The following CACNA1A variants were observed in gnomAD, a reference collection of about 807,000 sequenced individuals.
The protein encoded by CACNA1A is calcium voltage-gated channel subunit alpha1 A, also known as voltage-dependent P/Q-type calcium channel subunit alpha-1A.
Under a neutral mutation model 262.4 loss-of-function variants are expected in CACNA1A, and 57 were observed. The ratio of observed to expected loss-of-function variants is 0.22; its 90% confidence interval spans 0.18 to 0.27. The LOEUF is 0.27. Among genes scored for constraint, CACNA1A ranks in the 10% least tolerant of loss-of-function variants. The pLI is 1.00. For synonymous variants in CACNA1A, 1,431 were observed against 1,419.3 expected (o/e 1.01, Z -0.18); for missense variants, 2,526 against 3,562.8 (o/e 0.71, Z 7.41).
chr19:13,302,551 A>C (rs1209023313), intron 17 of CACNA1A, among the ~76,000 whole-genome samples: 1 of 152,244 alleles, frequency 6.6e-6, no homozygotes, highest in Non-Finnish European at 1.5e-5. Flanking sequence ...CAATGAAAGA[A>C]AGAATGTGGA....
chr19:13,285,367 C>G (rs2057376981), intron 20 of CACNA1A, among the ~76,000 whole-genome samples, 161 bp from the exon 21 acceptor site: 1 of 152,066 alleles, frequency 6.6e-6, no homozygotes, highest in Non-Finnish European at 1.5e-5. Flanking sequence ...TTGTATAGCC[C>G]TGAGGTTGAT....
intron 1 of CACNA1A, among the ~76,000 whole-genome samples, chr19:13,464,788 TCTGC>T (rs2061198704): frequency 6.6e-6 from 1 of 152,160 alleles, no homozygotes. Context: ...GACCTTGTGA[TCTGC>T]CCACCTTGGC....
At chr19:13,324,479 G>A (rs943226882) in intron 10 of CACNA1A, among the ~76,000 whole-genome samples, 5 of 152,250 alleles carry the variant, frequency 3.3e-5, no homozygotes, top group South Asian at 2.1e-4. Context: ...GTGGTGAGGC[G>A]ATGGATGTGT....
At chr19:13,301,324 T>C (rs370961597) in intron 17 of CACNA1A, among the ~76,000 whole-genome samples, 17 of 152,130 alleles carry the variant, frequency 1.1e-4, no homozygotes, top group South Asian at 2.1e-4. Context: ...TTCTGAGCCA[T>C]GTGAACTCTC....
chr19:13,269,448 C>T (rs1033319433), intron 24 of CACNA1A, among the ~76,000 whole-genome samples: 1 of 152,160 alleles, frequency 6.6e-6, no homozygotes, highest in Non-Finnish European at 1.5e-5. Context: ...ATAATGCCTT[C>T]AGGGGTGGGG....
chr19:13,329,905 G>A (rs182807266), intron 10 of CACNA1A, among the ~76,000 whole-genome samples: 6 of 151,690 alleles, frequency 4.0e-5, no homozygotes, highest in Admixed American at 1.3e-4. Flanking sequence ...TGTCTTGTTT[G>A]CAACCAAGCA....
chr19:13,209,451 GC>G lies in CACNA1A; in HGVS notation c.6386del (p.Gly2129AlafsTer53). The G allele has an allele frequency of 7.3e-7, 1 of 1,372,824 alleles. No homozygotes were observed. Among genetic ancestry groups the G allele is most frequent in the Non-Finnish European group, 9.5e-7 (1 of 1,058,186 alleles). 85.0% of individuals were successfully genotyped at this position (1,372,824 alleles called of 1,614,324 possible). A position where few individuals can be genotyped will look rare whatever the true frequency, so the allele number is the denominator to read the frequency against. ...AATCGTCCAGGCGTCGGGCCTTGGG[GC>G]CCAGCACGGAGGCTGAACGCTTCAT... is the stretch of plus-strand genomic sequence containing the variant. ...SPMKRSASVL[G>X]PKARRLDDYS... On this transcript the variant is annotated frameshift_variant, in exon 45 of 47. Coordinates refer to ENST00000360228, the MANE Select transcript of CACNA1A (RefSeq NM_001127222.2). LOFTEE classifies it high-confidence loss of function.
rs2057731579 is a variant in CACNA1A at position 13,298,959 on chromosome 19, T to C, written c.2674A>G (p.Ser892Gly). The C allele has an allele frequency of 6.9e-6, 11 of 1,588,344 alleles. No homozygotes were observed. Among genetic ancestry groups the C allele is most frequent in the Non-Finnish European group, 8.5e-6 (10 of 1,174,746 alleles). ...PWAGSQEAEL[S>G]REGPYGRESD... ...TCGCGGCCGTAGGGTCCCTCCCGGCTCAGCTCGGCCTCCTGGCTTCCCGCC... is the reference window on the plus strand; with the variant it reads ...TCGCGGCCGTAGGGTCCCTCCCGGCCCAGCTCGGCCTCCTGGCTTCCCGCC... Residue 892 changes from serine (S) to glycine (G), a missense_variant, in exon 19 of 47, where the codon AGC (serine) becomes GGC (glycine). Coordinates refer to ENST00000360228, the MANE Select transcript of CACNA1A (RefSeq NM_001127222.2).
At chr19:13,272,250 G>T (rs1215739563) in intron 24 of CACNA1A, 1 of 152,258 alleles carries the variant, frequency 6.6e-6, no homozygotes, top group Admixed American at 6.5e-5. Context: ...GGTGGCCAAG[G>T]TAAGCATTGT....
Position 13,298,949 on chromosome 19 carries a change from C to A in CACNA1A, c.2684G>T (p.Gly895Val). 2 of 1,591,336 alleles carry A rather than the reference C, an allele frequency of 1.3e-6. No homozygotes were observed. The highest frequency in any genetic ancestry group is 1.7e-6 in the Non-Finnish European group (2 of 1,176,228). The stretch of plus-strand genomic sequence containing the variant: ...GTGGTCCGACTCGCGGCCGTAGGGT[C>A]CCTCCCGGCTCAGCTCGGCCTCCTG... Reference protein sequence around the residue: ...GSQEAELSREGPYGRESDHHA... With the variant: ...GSQEAELSREVPYGRESDHHA... Residue 895 changes from glycine to valine, a missense_variant, in exon 19 of 47, where the codon GGA becomes GTA. Gly to Val is a moderately radical substitution (Grantham distance 109). Around this residue, in one of 17 missense-constraint regions of CACNA1A, gnomAD observed 765 missense variants for 748.6 expected, o/e 1.02. Coordinates refer to ENST00000360228, the MANE Select transcript of CACNA1A (RefSeq NM_001127222.2).
At chr19:13,456,016 G>A (rs2061001014) in intron 1 of CACNA1A, among the ~76,000 whole-genome samples, 1 of 151,930 alleles carries the variant, frequency 6.6e-6, no homozygotes, top group Non-Finnish European at 1.5e-5. Context: ...CAGGCGTGGT[G>A]GTACACACCT....
intron 3 of CACNA1A, among the ~76,000 whole-genome samples, chr19:13,392,872 G>C (rs936111987): frequency 6.6e-6 from 1 of 152,112 alleles, no homozygotes; most frequent in Non-Finnish European, 1.5e-5. Context: ...TCAGTTTCCT[G>C]AGTAGCTGAG....
At chr19:13,380,624 T>G (rs1599329223) in intron 3 of CACNA1A, among the ~76,000 whole-genome samples, 1 of 102,220 alleles carries the variant, frequency 9.8e-6, no homozygotes, top group African/African-American at 3.9e-5. Flanking sequence ...CCAGCCTGGG[T>G]GACAGAGCGT....
chr19:13,501,695 C>G (rs1003676320), intron 1 of CACNA1A, among the ~76,000 whole-genome samples: 2 of 152,144 alleles, frequency 1.3e-5, no homozygotes, highest in Non-Finnish European at 2.9e-5. Flanking sequence ...GACTACAATG[C>G]AGACCTAACA....
chr19:13,308,534 G>A lies in CACNA1A; in HGVS notation c.1669-6C>T, dbSNP rs2057954316. The stretch of plus-strand genomic sequence containing the variant: ...AAGATGCTCCCAATGATAACCTAGG[G>A]CAGAGAACCTGGTCTCATGTCCAGG... On this transcript the variant is annotated splice_region_variant and splice_polypyrimidine_tract_variant and intron_variant, in intron 12 of 46. Transcript: ENST00000360228. The surrounding 1 kb of genome is among the most constrained non-coding windows in gnomAD (Gnocchi z 4.2). 3.8e-6 allele frequency: 6 copies of A among 1,574,684 alleles called. No homozygotes were observed. The highest frequency in any genetic ancestry group is 8.7e-7 in the Non-Finnish European group (1 of 1,147,350).
At position 13,401,602 on chromosome 19, in the gene CACNA1A, T is replaced by C. The variant is rs1055798381; in HGVS notation, c.540-29823A>G. Among the ~76,000 whole-genome samples, 11 of 152,186 alleles carry C rather than the reference T, an allele frequency of 7.2e-5. No individual in the cohort carries two copies. In the South Asian group the frequency reaches 1.5e-3, roughly 20 times the overall value. On this transcript the variant is annotated intron_variant, in intron 3 of 46. Transcript: ENST00000360228. ...GGCCACATGACTAAATTCCACCCAA[T>C]AGAATGCAGGCAGAAGTGTTGTTCA...
intron 3 of CACNA1A, among the ~76,000 whole-genome samples, chr19:13,425,225 A>G (rs2060381702): frequency 6.6e-6 from 1 of 152,198 alleles, no homozygotes; most frequent in Non-Finnish European, 1.5e-5. Flanking sequence ...CCTGACAATT[A>G]GTAGTTATCA....
chr19:13,210,773 C>T (rs1600085263), intron 43 of CACNA1A, 121 bp from the exon 44 acceptor site: 1 of 1,011,714 alleles, frequency 9.9e-7, no homozygotes, highest in Non-Finnish European at 1.5e-6. Flanking sequence ...GGGAGTGGCA[C>T]TGGCATCAAG....
chr19:13,288,438 C>T (rs2144897148), intron 19 of CACNA1A, among the ~76,000 whole-genome samples: 1 of 152,182 alleles, frequency 6.6e-6, no homozygotes, highest in African/African-American at 2.4e-5. Context: ...CAGGGCTTCG[C>T]CATGTTGCCC....
Sources: gnomAD v4.1 joint callset for allele counts (sites outside exome capture counted in the v4.1 genomes callset) on GRCh38, gnomAD v4.1.1 for gene constraint, gnomAD v4.1.1 regional missense constraint, Gnocchi (gnomAD v3.1) non-coding constraint, MANE v1.5 for transcripts, NCBI Gene and HGNC (gene_info 2026-07-23, HGNC 2026-07-21) for gene names.